The following CDH18 variants were observed in gnomAD, a reference collection of about 807,000 sequenced individuals.
CDH18 encodes cadherin 18.
Under a neutral mutation model 67.9 loss-of-function variants are expected in CDH18, and 31 were observed. The ratio of observed to expected loss-of-function variants is 0.46; its 90% CI spans 0.34 to 0.62. The LOEUF is 0.62. Among genes scored for constraint, CDH18 ranks in the 20% least tolerant of loss-of-function variants. The pLI is 0.01. For synonymous variants in CDH18, 362 were observed against 347.2 expected (o/e 1.04, Z -0.48); for missense variants, 890 against 975.5 (o/e 0.91, Z 1.17).
intron 8 of CDH18, among the ~76,000 whole-genome samples, chr5:19,556,925 A>T (rs116126311): frequency 0.015 from 2,248 of 152,324 alleles, 56 homozygotes; most frequent in African/African-American, 0.051. Flanking sequence ...AACGTATCAG[A>T]TTAACAGATT....
chr5:19,633,634 A>AT (rs1263665679), intron 5 of CDH18, among the ~76,000 whole-genome samples: 2 of 150,410 alleles, frequency 1.3e-5, no homozygotes, highest in Non-Finnish European at 3.0e-5. Flanking sequence ...ATTTGTTTTC[A>AT]TTTTTTTTTA....
At chr5:20,453,553 A>ATG (rs1468345396) in intron 1 of CDH18, among the ~76,000 whole-genome samples, 5 of 137,116 alleles carry the variant, frequency 3.6e-5, no homozygotes, top group East Asian at 2.1e-4. Context: ...GTGTATATGT[A>ATG]TGTGTGTGTG....
intron 2 of CDH18, among the ~76,000 whole-genome samples, chr5:20,054,658 A>G (rs887416637): frequency 1.3e-5 from 2 of 152,174 alleles, no homozygotes; most frequent in South Asian, 2.1e-4. Context: ...GACTTGCTCA[A>G]AGTTAGGTCC....
At chr5:19,561,668 G>A (rs1739475590) in intron 8 of CDH18, among the ~76,000 whole-genome samples, 1 of 151,790 alleles carries the variant, frequency 6.6e-6, no homozygotes, top group Non-Finnish European at 1.5e-5. Context: ...TTTTTAAATA[G>A]GCCAAAACAG....
At chr5:20,195,435 T>C (rs1268079474) in intron 2 of CDH18, among the ~76,000 whole-genome samples, 3 of 152,156 alleles carry the variant, frequency 2.0e-5, no homozygotes, top group South Asian at 2.1e-4. Context: ...TTCTTACATT[T>C]ACTTGCCTAA....
At chr5:20,154,951 C>A (rs1020012748) in intron 2 of CDH18, among the ~76,000 whole-genome samples, 9 of 152,144 alleles carry the variant, frequency 5.9e-5, no homozygotes, top group Non-Finnish European at 1.3e-4. Flanking sequence ...CCACTACTTA[C>A]AATATTTCTC....
chr5:20,305,039 G>A lies in CDH18; in HGVS notation c.-579-49534C>T, dbSNP rs1736298910. On this transcript the variant is annotated intron_variant, in intron 1 of 14. Coordinates refer to the CDH18 transcript ENST00000507958. ...GCAAGGCCAGAGGAGGAGGGCTGCT[G>A]ACTGTCCCCATTAGTTTTGGGATTT... 7 of 1,607,550 alleles carry A rather than the reference G, an allele frequency of 4.4e-6. No individual in the cohort carries two copies. The East Asian group carries it at 8.9e-5, about 20-fold the overall frequency.
At chr5:20,217,558 C>T (rs1340316147) in intron 2 of CDH18, among the ~76,000 whole-genome samples, 1 of 151,236 alleles carries the variant, frequency 6.6e-6, no homozygotes, top group East Asian at 1.9e-4. Context: ...GAACATACCA[C>T]CTGAGAAAAT....
Position 19,473,600 on chromosome 5 carries a change from C to G in CDH18, c.1999G>C (p.Asp667His). Residue 667 changes from aspartate (D) to histidine (H), a missense_variant, in exon 13 of 13, where the codon GAC (aspartate) becomes CAC (histidine). Coordinates refer to ENST00000382275, the MANE Select transcript of CDH18 (RefSeq NM_004934.5). The stretch of plus-strand genomic sequence containing the variant: ...GCTGTGATGTCAAAGGCCTCTGTGT[C>G]TTCCTCTCCGCCTCCTTCATCATCA... ...TYDDEGGGEE[D>H]TEAFDITALR... The G allele has an allele frequency of 6.2e-7, 1 of 1,613,904 alleles. No homozygotes were observed. Among genetic ancestry groups the G allele is most frequent in the Non-Finnish European group, 8.5e-7 (1 of 1,179,864 alleles).
intron 1 of CDH18, among the ~76,000 whole-genome samples, chr5:19,984,269 T>C (rs1457304098): frequency 3.2e-5 from 4 of 123,870 alleles, no homozygotes; most frequent in Non-Finnish European, 5.8e-5. Context: ...ATTGAAAAAT[T>C]ATTTTTAAAA....
At chr5:20,484,988 TA>T (rs888015327) in intron 1 of CDH18, among the ~76,000 whole-genome samples, 2 of 152,048 alleles carry the variant, frequency 1.3e-5, no homozygotes, top group East Asian at 1.9e-4. Flanking sequence ...AGGTGATTGA[TA>T]AAAAAAGTGA....
chr5:19,505,290 C>A (rs1743932092), intron 10 of CDH18, among the ~76,000 whole-genome samples: 1 of 152,028 alleles, frequency 6.6e-6, no homozygotes, highest in Non-Finnish European at 1.5e-5. Context: ...TCCTCTTTTC[C>A]TAATTGAATA....
chr5:20,150,515 A>C (rs1040166906), intron 2 of CDH18, among the ~76,000 whole-genome samples: 4 of 152,132 alleles, frequency 2.6e-5, no homozygotes, highest in African/African-American at 4.8e-5. Context: ...TTTAAAGGGA[A>C]GGATGGGGCT....
At chr5:20,042,456 C>A (rs866618499) in intron 2 of CDH18, among the ~76,000 whole-genome samples, 23 of 152,254 alleles carry the variant, frequency 1.5e-4, no homozygotes, top group African/African-American at 5.3e-4. Context: ...TACTTCAAAT[C>A]ATATAAAATA....
chr5:20,101,168 C>T (rs1012958438), intron 2 of CDH18, among the ~76,000 whole-genome samples: 48 of 151,752 alleles, frequency 3.2e-4, no homozygotes, highest in Non-Finnish European at 2.5e-4. Flanking sequence ...CACTATATTG[C>T]CCAGGTTAGT....
rs1665225230 is a variant in CDH18, at chr5:19,703,376, T to G, written c.643+17971A>C. 2.6e-5 allele frequency among the ~76,000 whole-genome samples: 4 copies of G among 152,102 alleles called. No homozygotes were observed. In the South Asian group the frequency reaches 8.3e-4, roughly 32 times the overall value. On this transcript the variant is annotated intron_variant, in intron 5 of 12. Transcript: ENST00000382275. ...AGTGTGGGCTCTGGTTCATTCCACT[T>G]TGGAACCTTTTCACAATGATGATGA...
At position 19,543,925 on chromosome 5, in the gene CDH18, A is replaced by G; in HGVS notation, c.1334T>C (p.Val445Ala). 6.3e-7 allele frequency: 1 copy of G among 1,596,018 alleles called. No homozygotes were observed. The highest frequency in any genetic ancestry group is 1.1e-5 in the South Asian group (1 of 88,648). Reference sequence around the variant, plus strand: ...CCATGGAGTTTCTTCTCTGTCGAGAACCTTTGTAGTCCTAATGGTCCCAGT... The same window carrying G: ...CCATGGAGTTTCTTCTCTGTCGAGAGCCTTTGTAGTCCTAATGGTCCCAGT... ...ANTGTIRTTK[V>A]LDREETPWYN... is the part of the protein sequence containing the mutation. The change falls in exon 9 of 13, where the codon GTT (valine) becomes GCT (alanine). Residue 445 changes from valine (V) to alanine (A), a missense_variant. Coordinates refer to ENST00000382275, the MANE Select transcript of CDH18 (RefSeq NM_004934.5).
At chr5:20,566,817 T>C (rs1758541368) in intron 1 of CDH18, among the ~76,000 whole-genome samples, 2 of 151,962 alleles carry the variant, frequency 1.3e-5, no homozygotes, top group South Asian at 4.1e-4. Flanking sequence ...GAACAAAGAG[T>C]GAAAGACAGT....
intron 2 of CDH18, among the ~76,000 whole-genome samples, chr5:20,121,489 A>C: frequency 6.6e-6 from 1 of 152,148 alleles, no homozygotes; most frequent in East Asian, 1.9e-4. Flanking sequence ...GTAGATATTT[A>C]CCACTCTTGT....
Sources: gnomAD v4.1 joint callset for allele counts (sites outside exome capture counted in the v4.1 genomes callset) on GRCh38, gnomAD v4.1.1 for gene constraint, MANE v1.5 for transcripts, NCBI Gene and HGNC (gene_info 2026-07-23, HGNC 2026-07-21) for gene names.